Variants in COPS3 observed in about 807,000 individuals in gnomAD.
The protein encoded by COPS3 is COP9 signalosome complex subunit 3.
Under a neutral mutation model 58.2 loss-of-function variants are expected in COPS3, and 10 were observed. The ratio of observed to expected loss-of-function variants is 0.17; its 90% CI spans 0.11 to 0.29. The LOEUF (loss-of-function observed/expected upper bound fraction) is 0.29, where lower values mean the gene tolerates loss of function less well. Ranked by LOEUF, COPS3 falls within the 10% of genes least tolerant of loss-of-function variation. The probability of loss-of-function intolerance (pLI) is 1.00; values close to 1 mark genes in which losing one functional copy is unlikely to be tolerated. For synonymous variants in COPS3, 187 were observed against 181.7 expected (o/e 1.03, Z -0.24); for missense variants, 333 against 510.1 (o/e 0.65, Z 3.34).
chr17:17,258,983 C>T (rs2048036459), intron 8 of COPS3, among the ~76,000 whole-genome samples: 1 of 152,060 alleles, frequency 6.6e-6, no homozygotes, highest in Non-Finnish European at 1.5e-5. Context: ...TCCTCTTCTC[C>T]TTAGGATCCT....
At chr17:17,277,260 G>T (rs1444495146) in intron 1 of COPS3, among the ~76,000 whole-genome samples, 5 of 152,080 alleles carry the variant, frequency 3.3e-5, no homozygotes, top group Non-Finnish European at 5.9e-5. Context: ...GCCTCGCATG[G>T]GACTGTAGTG....
chr17:17,266,228 A>G (rs1416242014), intron 5 of COPS3, among the ~76,000 whole-genome samples: 2 of 152,256 alleles, frequency 1.3e-5, no homozygotes, highest in East Asian at 3.8e-4. Context: ...CCGTACCTGT[A>G]GAGTACTGCT....
chr17:17,278,418 C>T (rs933480660), intron 1 of COPS3, among the ~76,000 whole-genome samples: 1 of 152,158 alleles, frequency 6.6e-6, no homozygotes, highest in Non-Finnish European at 1.5e-5. Context: ...TAATTTAACA[C>T]TTTTCAATTT....
At chr17:17,266,289 G>T (rs545669056) in intron 5 of COPS3, among the ~76,000 whole-genome samples, 1 of 152,244 alleles carries the variant, frequency 6.6e-6, no homozygotes, top group East Asian at 1.9e-4. Context: ...CTACATAAGA[G>T]TATGCATAGA....
rs369463664 is a variant in COPS3 at position 17,276,254 on chromosome 17, G to T, written c.56-90C>A. 5.2e-6 allele frequency: 8 copies of T among 1,530,584 alleles called. No individual in the cohort carries two copies. The Admixed American group carries it at 7.2e-5, about 14-fold the overall frequency. The allele number at this position is 1,530,584 out of a possible 1,614,324, so 94.8% of individuals were successfully genotyped here. A position where few individuals can be genotyped will look rare whatever the true frequency, so the allele number is the denominator to read the frequency against. ...ACCACAACTTTGTACTTCAGAGCCTGAAGTTCCCAAAATTGATTCTTAATC... is the reference window on the plus strand; with the variant it reads ...ACCACAACTTTGTACTTCAGAGCCTTAAGTTCCCAAAATTGATTCTTAATC... On this transcript the variant is annotated intron_variant, in intron 1 of 11. Transcript: ENST00000268717.
Position 17,264,988 on chromosome 17 carries a change from A to C in COPS3, c.442-7T>G. The C allele has an allele frequency of 6.2e-7, 1 of 1,606,742 alleles. No homozygotes were observed. The highest frequency in any genetic ancestry group is 8.5e-7 in the Non-Finnish European group (1 of 1,178,526). On this transcript the variant is annotated splice_polypyrimidine_tract_variant and splice_region_variant and intron_variant, in intron 5 of 11. Coordinates refer to ENST00000268717, the MANE Select transcript of COPS3 (RefSeq NM_003653.4). ...ATTTTGCTAGCAAACAAAGCTGTGA[A>C]CAAATTGATATTAAATCATCACTTT... is the stretch of plus-strand genomic sequence containing the variant.
At chr17:17,264,007 C>T (rs988645437) in intron 6 of COPS3, among the ~76,000 whole-genome samples, 2 of 152,214 alleles carry the variant, frequency 1.3e-5, no homozygotes, top group Non-Finnish European at 2.9e-5. Context: ...GCTTTAATGA[C>T]ACCATCTCTG....
At chr17:17,251,021 G>C (rs114797149) in intron 9 of COPS3, among the ~76,000 whole-genome samples, 1,532 of 152,276 alleles carry the variant, frequency 0.01, 26 homozygotes, top group African/African-American at 0.031. Context: ...TGAGACAAGA[G>C]TCTTGCACTG....
intron 1 of COPS3, 66 bp downstream of exon 1, chr17:17,281,066 G>A (rs756566309): frequency 1.1e-5 from 17 of 1,532,758 alleles, no homozygotes; most frequent in Admixed American, 1.9e-5. Context: ...GTCCGTGCTG[G>A]CGCCTGGGGA....
chr17:17,278,594 A>G (rs1410867989), intron 1 of COPS3, among the ~76,000 whole-genome samples: 3 of 152,222 alleles, frequency 2.0e-5, no homozygotes, highest in Non-Finnish European at 4.4e-5. Context: ...ACTGGTAGGT[A>G]TGAAGTAACT....
chr17:17,264,765 G>A (rs762863637), intron 6 of COPS3, 37 bp downstream of exon 6: 1 of 1,569,794 alleles, frequency 6.4e-7, no homozygotes, highest in Admixed American at 2.0e-5. Context: ...GATCACACAA[G>A]TTCAGAACAA....
chr17:17,274,607 TAG>T (rs2048421832), intron 2 of COPS3, among the ~76,000 whole-genome samples: 1 of 151,922 alleles, frequency 6.6e-6, no homozygotes, highest in Admixed American at 6.6e-5. Flanking sequence ...GTATTTTTAG[TAG>T]AGACAGGGTC....
At chr17:17,272,928 A>C (rs2048382827) in intron 2 of COPS3, among the ~76,000 whole-genome samples, 4 of 152,222 alleles carry the variant, frequency 2.6e-5, no homozygotes, top group Non-Finnish European at 4.4e-5. Context: ...TCAAAGATCC[A>C]AAGCAACATT....
At chr17:17,262,948 T>A (rs1441525531) in intron 6 of COPS3, among the ~76,000 whole-genome samples, 1 of 150,486 alleles carries the variant, frequency 6.6e-6, no homozygotes, top group East Asian at 2.1e-4. Flanking sequence ...CAGGCTGGAG[T>A]GCAGTGGCGC....
intron 5 of COPS3, among the ~76,000 whole-genome samples, chr17:17,266,494 C>A (rs945473225): frequency 6.6e-6 from 1 of 151,946 alleles, no homozygotes. Flanking sequence ...CTTTGAACAT[C>A]GCAAAATAAG....
At chr17:17,257,796 C>CAAAAAAAAAAAA (rs1387883200) in intron 8 of COPS3, among the ~76,000 whole-genome samples, 1 of 60,172 alleles carries the variant, frequency 1.7e-5, no homozygotes, top group Non-Finnish European at 3.4e-5. Context: ...GACTCCGTCT[C>CAAAAAAAAAAAA]AAAAAAAAAA....
intron 1 of COPS3, among the ~76,000 whole-genome samples, chr17:17,277,534 T>C (rs551558533): frequency 6.6e-6 from 1 of 152,204 alleles, no homozygotes; most frequent in South Asian, 2.1e-4. Flanking sequence ...CCTCCCACCT[T>C]AGCCTCCCGA....
intron 9 of COPS3, among the ~76,000 whole-genome samples, chr17:17,251,064 A>G (rs920400406): frequency 1.9e-4 from 28 of 149,472 alleles, no homozygotes; most frequent in African/African-American, 6.2e-4. Flanking sequence ...GCGCAATCTC[A>G]GCTCACTGCA....
intron 9 of COPS3, among the ~76,000 whole-genome samples, chr17:17,250,071 T>C (rs1267238963): frequency 5.3e-5 from 8 of 152,136 alleles, no homozygotes; most frequent in African/African-American, 1.4e-4. Flanking sequence ...ATTCCCTCCT[T>C]CTCCTCCCAG....
Sources: gnomAD v4.1 joint callset for allele counts (sites outside exome capture counted in the v4.1 genomes callset) on GRCh38, gnomAD v4.1.1 for gene constraint, MANE v1.5 for transcripts, NCBI Gene and HGNC (gene_info 2026-07-23, HGNC 2026-07-21) for gene names.